The following RADX variants were observed in gnomAD, a reference collection of about 807,000 sequenced individuals.
RADX encodes RPA1 related single stranded DNA binding protein, X-linked.
A neutral mutation model predicts 61.6 loss-of-function variants in RADX; 36 were observed. The observed-to-expected ratio is 0.58, with a 90% CI of 0.45 to 0.77. The LOEUF (loss-of-function observed/expected upper bound fraction) is 0.77. Among genes scored for constraint, RADX ranks in the 30% least tolerant of loss-of-function variants. RADX has a pLI of 0.00. For missense variants in RADX, 497 were observed against 651.1 expected, an observed-to-expected ratio of 0.76 and a Z score of 2.58; for synonymous variants, 272 against 237.9, an observed-to-expected ratio of 1.14 and a Z score of -1.32.
In RADX at chrX:106,637,789, G is replaced by A. The variant is rs1398975091; in HGVS notation, c.1438G>A (p.Ala480Thr). ...GHRGQPYTYD[A>T]KVKNFIQWIR... is the part of the protein sequence containing the mutation. ...TAGAGGCCAGCCGTATACGTATGAT[G>A]CCAAGGTAAAAAACTTTATTCAATG... The change falls in exon 8 of 14, where the codon GCC (alanine) becomes ACC (threonine). Residue 480 changes from alanine (A) to threonine (T), a missense_variant. Ala to Thr is a moderately conservative substitution (Grantham distance 58). Transcript: ENST00000372548. 1.7e-6 allele frequency: 2 copies of A among 1,208,698 alleles called. No individual in the cohort carries two copies. Among genetic ancestry groups the A allele is most frequent in the South Asian group, 3.5e-5 (2 of 56,366 alleles).
chrX:106,642,917 T>C (rs749563156), intron 10 of RADX, among the ~76,000 whole-genome samples: 1 of 112,033 alleles, frequency 8.9e-6, no homozygotes, highest in African/African-American at 3.2e-5. Flanking sequence ...GCATTTGTTA[T>C]TGCCTGTATT....
chrX:106,665,027 T>C, intron 12 of RADX, among the ~76,000 whole-genome samples: 1 of 112,084 alleles, frequency 8.9e-6, no homozygotes. Context: ...GAATGAGAGC[T>C]GAATATCGGA....
intron 12 of RADX, among the ~76,000 whole-genome samples, chrX:106,666,218 A>G (rs1928225332): frequency 8.9e-6 from 1 of 112,098 alleles, no homozygotes. Context: ...ACAGATCATT[A>G]AGATACACAA....
chrX:106,654,530 T>A (rs752157766), intron 11 of RADX, among the ~76,000 whole-genome samples: 71 of 111,117 alleles, frequency 6.4e-4, no homozygotes, highest in African/African-American at 2.2e-3. Context: ...TAATAAATGG[T>A]GTTGGGAAAA....
chrX:106,638,263 A>T, intron 8 of RADX: 1 of 136,733 alleles, frequency 7.3e-6, no homozygotes, highest in Non-Finnish European at 1.4e-5. Context: ...AAAACCTGAA[A>T]CTTCTTTTTT....
intron 10 of RADX, among the ~76,000 whole-genome samples, chrX:106,647,901 C>G (rs1195460956): frequency 9.1e-6 from 1 of 110,314 alleles, no homozygotes; most frequent in Non-Finnish European, 1.9e-5. Flanking sequence ...TATTTGAGCT[C>G]CTTGTGTATT....
intron 9 of RADX, 147 bp downstream of exon 9, chrX:106,639,834 C>A (rs1419571339): frequency 7.4e-6 from 3 of 407,364 alleles, no homozygotes; most frequent in Non-Finnish European, 1.1e-5. Context: ...GTGCAAAAGG[C>A]ATTGTGGTTT....
At chrX:106,663,927 T>A (rs1928165798) in intron 12 of RADX, among the ~76,000 whole-genome samples, 1 of 111,952 alleles carries the variant, frequency 8.9e-6, no homozygotes, top group Non-Finnish European at 1.9e-5. Context: ...GCTTTGGCTA[T>A]GAGTCAGCTA....
At chrX:106,615,428 A>C (rs1926779221) in intron 1 of RADX, among the ~76,000 whole-genome samples, 1 of 110,577 alleles carries the variant, frequency 9.0e-6, no homozygotes. Flanking sequence ...CCCCTCCTCC[A>C]CCATTTTGTT....
intron 10 of RADX, among the ~76,000 whole-genome samples, chrX:106,642,129 T>C (rs1373144733): frequency 6.4e-5 from 7 of 109,217 alleles, no homozygotes; most frequent in Non-Finnish European, 1.3e-4. Flanking sequence ...TGTGGGTACA[T>C]TTAGTAGGTA....
chrX:106,664,724 C>G (rs190087471), intron 12 of RADX, among the ~76,000 whole-genome samples: 41 of 90,116 alleles, frequency 4.5e-4, no homozygotes, highest in African/African-American at 1.7e-3. Flanking sequence ...GAGGGGGTAG[C>G]TTATCAAAGT....
At chrX:106,616,099 G>A (rs1327801594) in intron 1 of RADX, among the ~76,000 whole-genome samples, 1 of 111,059 alleles carries the variant, frequency 9.0e-6, no homozygotes, top group African/African-American at 3.3e-5. Flanking sequence ...TGGGGGTTGT[G>A]GGGGGATGCC....
At chrX:106,626,874 CT>C (rs774885898) in intron 3 of RADX, among the ~76,000 whole-genome samples, 15 of 111,354 alleles carry the variant, frequency 1.3e-4, no homozygotes, top group African/African-American at 4.2e-4. Flanking sequence ...CTTTTGCCCT[CT>C]TTTTTTAGGA....
intron 11 of RADX, among the ~76,000 whole-genome samples, chrX:106,652,507 T>C (rs889017650): frequency 9.1e-6 from 1 of 110,476 alleles, no homozygotes; most frequent in Admixed American, 9.7e-5. Flanking sequence ...AGGGACGATA[T>C]AGAATATATA....
intron 11 of RADX, among the ~76,000 whole-genome samples, chrX:106,661,066 C>T (rs1178168524): frequency 9.0e-6 from 1 of 111,128 alleles, no homozygotes; most frequent in African/African-American, 3.3e-5. Flanking sequence ...GGGAGAACCA[C>T]CCCCATGATC....
intron 3 of RADX, among the ~76,000 whole-genome samples, chrX:106,629,053 A>G (rs1927143362): frequency 8.9e-6 from 1 of 112,272 alleles, no homozygotes; most frequent in Non-Finnish European, 1.9e-5. Context: ...AATTTTGTAC[A>G]TTATTCTGTA....
intron 10 of RADX, among the ~76,000 whole-genome samples, chrX:106,647,423 A>G (rs2147628617): frequency 9.0e-6 from 1 of 110,816 alleles, no homozygotes; most frequent in East Asian, 2.8e-4. Flanking sequence ...TCCAAACCTT[A>G]GCTATTGTAA....
intron 11 of RADX, among the ~76,000 whole-genome samples, chrX:106,652,446 T>G (rs745830540): frequency 9.0e-6 from 1 of 110,991 alleles, no homozygotes; most frequent in East Asian, 2.8e-4. Context: ...TATAGCAATA[T>G]TCATATGAAG....
intron 12 of RADX, among the ~76,000 whole-genome samples, chrX:106,662,570 A>C (rs1414491382): frequency 9.1e-6 from 1 of 110,338 alleles, no homozygotes; most frequent in Non-Finnish European, 1.9e-5. Context: ...CCTGACTATC[A>C]GTCAGCTTCT....
Sources: gnomAD v4.1 joint callset for allele counts (sites outside exome capture counted in the v4.1 genomes callset) on GRCh38, gnomAD v4.1.1 for gene constraint, MANE v1.5 for transcripts, NCBI Gene and HGNC (gene_info 2026-07-23, HGNC 2026-07-21) for gene names.